Variants in TENM4 observed in about 807,000 individuals in gnomAD.
TENM4 encodes teneurin-4.
TENM4 carries 82 observed loss-of-function variants against 243.3 expected under a neutral mutation model. The ratio of observed to expected loss-of-function variants is 0.34; its 90% CI spans 0.28 to 0.40. TENM4 has a LOEUF of 0.40. Ranked by LOEUF, TENM4 falls within the 10% of genes least tolerant of loss-of-function variation. TENM4 has a pLI of 1.00. For synonymous variants in TENM4, 1,412 were observed against 1,456.3 expected (o/e 0.97, Z 0.69); for missense variants, 3,138 against 3,673.3 (o/e 0.85, Z 3.77).
chr11:79,419,056 T>A lies in TENM4; in HGVS notation c.-321+21453A>T, dbSNP rs369461928. 2.2e-4 allele frequency among the ~76,000 whole-genome samples: 33 copies of A among 152,302 alleles called. No individual in the cohort carries two copies. The South Asian group carries it at 5.6e-3, about 26-fold the overall frequency. ...TTTATATTCCAGGTCACATCTAGAC[T>A]AGGCTTAGCTCATACTTGTTTGAAG... is the stretch of plus-strand genomic sequence containing the variant. On this transcript the variant is annotated intron_variant, in intron 1 of 33. Coordinates refer to ENST00000278550, the MANE Select transcript of TENM4 (RefSeq NM_001098816.3).
At chr11:79,168,635 T>C (rs1472284034) in intron 3 of TENM4, among the ~76,000 whole-genome samples, 1 of 152,168 alleles carries the variant, frequency 6.6e-6, no homozygotes, top group Non-Finnish European at 1.5e-5. Flanking sequence ...CAAAGCTCTT[T>C]GTGCTTGCAG....
intron 28 of TENM4, among the ~76,000 whole-genome samples, chr11:78,693,439 A>G (rs1468738586): frequency 1.3e-5 from 2 of 152,248 alleles, no homozygotes; most frequent in Non-Finnish European, 2.9e-5. Flanking sequence ...TCCCATAAAA[A>G]TGATGCTGTT....
intron 2 of TENM4, among the ~76,000 whole-genome samples, chr11:79,245,649 A>G (rs991050445): frequency 6.6e-6 from 1 of 152,198 alleles, no homozygotes; most frequent in Non-Finnish European, 1.5e-5. Flanking sequence ...ATAGAAAAAG[A>G]AAACAATTGG....
At chr11:79,147,346 G>A (rs1862413105) in intron 4 of TENM4, among the ~76,000 whole-genome samples, 1 of 152,008 alleles carries the variant, frequency 6.6e-6, no homozygotes, top group South Asian at 2.1e-4. Flanking sequence ...TACCATCTAG[G>A]ACCGGGGCTA....
intron 3 of TENM4, among the ~76,000 whole-genome samples, chr11:79,194,341 G>A (rs1292279147): frequency 6.6e-6 from 1 of 151,860 alleles, no homozygotes; most frequent in Non-Finnish European, 1.5e-5. Flanking sequence ...CTGAAAATGT[G>A]GAAGCAGCTT....
At chr11:78,919,764 C>T (rs1856405501) in intron 6 of TENM4, among the ~76,000 whole-genome samples, 1 of 152,096 alleles carries the variant, frequency 6.6e-6, no homozygotes, top group Admixed American at 6.5e-5. Context: ...TGCTTAAAAA[C>T]GTGAGTTGGA....
chr11:78,820,114 G>A (rs746912362), intron 12 of TENM4, among the ~76,000 whole-genome samples: 2 of 152,232 alleles, frequency 1.3e-5, no homozygotes, highest in African/African-American at 4.8e-5. Flanking sequence ...AAACTAGATA[G>A]CATAGCTGGG....
chr11:79,261,876 C>T (rs1285062093), intron 2 of TENM4, among the ~76,000 whole-genome samples: 3 of 152,118 alleles, frequency 2.0e-5, no homozygotes, highest in Admixed American at 6.5e-5. Flanking sequence ...ATGCTGCCAA[C>T]ATTTGGTTTC....
rs145463611 is a variant in TENM4 at position 78,782,356 on chromosome 11, G to A, written c.2366-3728C>T. Reference sequence around the variant, plus strand: ...CTTATGCCTGTAATCCCAGTACTTTGGGAGGCCGAGGCAGGTGGATCACCT... The same window carrying A: ...CTTATGCCTGTAATCCCAGTACTTTAGGAGGCCGAGGCAGGTGGATCACCT... On this transcript the variant is annotated intron_variant, in intron 16 of 33. Coordinates refer to ENST00000278550, the MANE Select transcript of TENM4 (RefSeq NM_001098816.3). 9.8e-3 allele frequency among the ~76,000 whole-genome samples: 1,497 copies of A among 152,226 alleles called. 30 individuals carry two copies. The highest frequency in any genetic ancestry group is 0.033 in the African/African-American group (1,375 of 41,532).
chr11:79,157,407 C>G (rs959657135), intron 3 of TENM4, among the ~76,000 whole-genome samples: 3 of 152,140 alleles, frequency 2.0e-5, no homozygotes, highest in African/African-American at 7.2e-5. Context: ...GTTGCTTTCT[C>G]TCTTTCTTTC....
chr11:79,218,283 A>G (rs1864096595), intron 2 of TENM4, among the ~76,000 whole-genome samples: 1 of 127,614 alleles, frequency 7.8e-6, no homozygotes, highest in African/African-American at 2.9e-5. Context: ...AGACAGCAGG[A>G]AATTGGCTGC....
intron 28 of TENM4, among the ~76,000 whole-genome samples, chr11:78,691,851 G>A (rs1011816586): frequency 6.6e-6 from 1 of 152,182 alleles, no homozygotes; most frequent in African/African-American, 2.4e-5. Flanking sequence ...TTCATTCATT[G>A]TAGTACCTTC....
At chr11:78,954,452 T>G (rs75945955) in intron 6 of TENM4, among the ~76,000 whole-genome samples, 1,629 of 152,326 alleles carry the variant, frequency 0.011, 22 homozygotes, top group African/African-American at 0.037. Flanking sequence ...GCAGAATAGC[T>G]TCTATTTTCT....
intron 1 of TENM4, among the ~76,000 whole-genome samples, chr11:79,382,178 A>G (rs1858018199): frequency 6.6e-6 from 1 of 152,186 alleles, no homozygotes; most frequent in African/African-American, 2.4e-5. Context: ...GCCAAGATTC[A>G]AATGTAACTC....
intron 4 of TENM4, among the ~76,000 whole-genome samples, chr11:79,104,092 T>C (rs1377224615): frequency 6.6e-6 from 1 of 152,210 alleles, no homozygotes; most frequent in South Asian, 2.1e-4. Flanking sequence ...AAGAGTGGTC[T>C]TCCCTTCCTA....
At chr11:78,687,742 TGA>T (rs1203250021) in intron 29 of TENM4, among the ~76,000 whole-genome samples, 6 of 152,160 alleles carry the variant, frequency 3.9e-5, no homozygotes, top group Non-Finnish European at 7.3e-5. Flanking sequence ...TACACCAGTG[TGA>T]GTGTGTCTGT....
chr11:78,805,282 C>CCCCCCCCCACCCCCCCCCCCCCA lies in TENM4; in HGVS notation c.2179+9_2179+10insTGGGGGGGGGGGGGTGGGGGGGG. 1.0e-6 allele frequency: 1 copy of CCCCCCCCCACCCCCCCCCCCCCA among 995,568 alleles called. No homozygotes were observed. The highest frequency in any genetic ancestry group is 1.2e-6 in the Non-Finnish European group (1 of 823,790). The allele number at this position is 995,568 out of a possible 1,614,324, so 61.7% of individuals were successfully genotyped here. ...CCCTCTACCCATGCTTCTTCTCCCC[C>CCCCCCCCCACCCCCCCCCCCCCA]TGCATTTACCGATAGAACAGTCGTG... On this transcript the variant is annotated intron_variant, in intron 15 of 33. Transcript: ENST00000278550.
intron 1 of TENM4, among the ~76,000 whole-genome samples, chr11:79,388,864 G>A (rs1308214005): frequency 6.6e-6 from 1 of 152,178 alleles, no homozygotes; most frequent in Non-Finnish European, 1.5e-5. Flanking sequence ...GAGGACACCG[G>A]AGCTAAAGCT....
chr11:78,706,421 G>A (rs983826222), intron 27 of TENM4, among the ~76,000 whole-genome samples: 3 of 152,210 alleles, frequency 2.0e-5, no homozygotes, highest in African/African-American at 7.2e-5. Context: ...CCTCTGAGCT[G>A]TGTGCTCTCC....
Sources: allele counts gnomAD v4.1 joint callset (sites outside exome capture counted in the v4.1 genomes callset), GRCh38; gene constraint gnomAD v4.1.1; transcripts MANE v1.5; gene names NCBI Gene and HGNC (gene_info 2026-07-23, HGNC 2026-07-21).